Variants in NDST4 observed in about 807,000 individuals in gnomAD.
The protein encoded by NDST4 is N-heparan sulfate sulfotransferase 4.
A neutral mutation model predicts 100.8 loss-of-function variants in NDST4; 63 were observed. The ratio of observed to expected loss-of-function variants is 0.62; its 90% CI spans 0.51 to 0.77. The LOEUF (loss-of-function observed/expected upper bound fraction) is 0.77. Among genes scored for constraint, NDST4 ranks in the 30% least tolerant of loss-of-function variants. The pLI is 0.00. For missense variants in NDST4, 943 were observed against 1,018.4 expected, an observed-to-expected ratio of 0.93 and a Z score of 1.01; for synonymous variants, 377 against 361.8, an observed-to-expected ratio of 1.04 and a Z score of -0.48.
intron 2 of NDST4, among the ~76,000 whole-genome samples, chr4:115,012,008 G>A (rs1038683780): frequency 6.6e-6 from 1 of 151,846 alleles, no homozygotes; most frequent in African/African-American, 2.4e-5. Context: ...GTGTGTGTAC[G>A]TGTGATAGGA....
At chr4:114,903,513 C>T (rs540012784) in intron 6 of NDST4, among the ~76,000 whole-genome samples, 1 of 152,012 alleles carries the variant, frequency 6.6e-6, no homozygotes, top group African/African-American at 2.4e-5. Context: ...GCACTGATTC[C>T]CACGGAGATT....
chr4:114,900,476 AC>A (rs1724813195), intron 6 of NDST4, among the ~76,000 whole-genome samples: 2 of 152,162 alleles, frequency 1.3e-5, no homozygotes, highest in Admixed American at 1.3e-4. Flanking sequence ...GACTATGTAT[AC>A]AAGGATGGTC....
At chr4:114,996,564 A>G (rs1446789307) in intron 2 of NDST4, among the ~76,000 whole-genome samples, 2 of 152,070 alleles carry the variant, frequency 1.3e-5, no homozygotes, top group African/African-American at 2.4e-5. Flanking sequence ...CCTTTTAAGG[A>G]CTGATCTTAG....
chr4:115,012,924 C>T (rs533673417), intron 2 of NDST4, among the ~76,000 whole-genome samples: 1 of 151,926 alleles, frequency 6.6e-6, no homozygotes, highest in Admixed American at 6.6e-5. Flanking sequence ...AACTGAAGGA[C>T]ATTGTGATAA....
chr4:115,095,294 T>G (rs910858692), intron 1 of NDST4, among the ~76,000 whole-genome samples: 2 of 152,160 alleles, frequency 1.3e-5, no homozygotes, highest in Non-Finnish European at 2.9e-5. Context: ...CCCTCTCTTT[T>G]TCTTGAAACC....
At chr4:114,883,755 G>A (rs1185892961) in intron 6 of NDST4, among the ~76,000 whole-genome samples, 1 of 152,078 alleles carries the variant, frequency 6.6e-6, no homozygotes, top group Non-Finnish European at 1.5e-5. Context: ...GCTAGAGTAG[G>A]GGGAAGTAGG....
At position 114,970,511 on chromosome 4, in the gene NDST4, C is replaced by T; in HGVS notation, c.1140G>A (p.Met380Ile). 6.2e-7 allele frequency: 1 copy of T among 1,614,060 alleles called. No homozygotes were observed. Among genetic ancestry groups the T allele is most frequent in the Non-Finnish European group, 8.5e-7 (1 of 1,179,946 alleles). ...AGAGGTGGGGCTGCATGTGGCTCCACATGTGAGGAAACCACCAGAACTCAT... is the reference window on the plus strand; with the variant it reads ...AGAGGTGGGGCTGCATGTGGCTCCATATGTGAGGAAACCACCAGAACTCAT... ...SVDEFWWFPHMWSHMQPHLFH... is the reference protein window; with the variant it reads ...SVDEFWWFPHIWSHMQPHLFH... The change falls in exon 4 of 14, where the codon ATG (methionine) becomes ATA (isoleucine). Residue 380 changes from methionine (M) to isoleucine (I), a missense_variant. Around this residue, in one of 2 missense-constraint regions of NDST4, gnomAD observed 526 missense variants for 634.1 expected, o/e 0.83. Coordinates refer to ENST00000264363, the MANE Select transcript of NDST4 (RefSeq NM_022569.3).
At chr4:114,929,459 C>T (rs1294422160) in intron 6 of NDST4, among the ~76,000 whole-genome samples, 2 of 151,974 alleles carry the variant, frequency 1.3e-5, no homozygotes, top group Non-Finnish European at 2.9e-5. Context: ...TACTATCGAC[C>T]CTCTTGACCA....
intron 2 of NDST4, among the ~76,000 whole-genome samples, chr4:115,005,307 A>G (rs7693904): frequency 0.012 from 1,763 of 152,250 alleles, 38 homozygotes; most frequent in African/African-American, 0.04. Context: ...GAGATTAATA[A>G]GGTAAGGTTG....
chr4:114,884,916 C>T (rs577144917), intron 6 of NDST4, among the ~76,000 whole-genome samples: 5 of 152,124 alleles, frequency 3.3e-5, no homozygotes, highest in South Asian at 2.1e-4. Context: ...GTTTGGAGGC[C>T]GACTCTATTG....
chr4:114,853,373 A>T (rs1241638106), intron 7 of NDST4, among the ~76,000 whole-genome samples: 2 of 152,100 alleles, frequency 1.3e-5, no homozygotes. Flanking sequence ...AAGGTTTTAT[A>T]TTGCAAATAT....
At chr4:115,013,418 A>G (rs1250010289) in intron 2 of NDST4, among the ~76,000 whole-genome samples, 1 of 148,674 alleles carries the variant, frequency 6.7e-6, no homozygotes, top group East Asian at 2.0e-4. Flanking sequence ...TAAAACTTAA[A>G]AACTTATAAC....
chr4:115,053,537 C>T (rs1258153385), intron 2 of NDST4, among the ~76,000 whole-genome samples: 1 of 152,040 alleles, frequency 6.6e-6, no homozygotes, highest in Non-Finnish European at 1.5e-5. Flanking sequence ...AGTCCTTGCA[C>T]TCTGGGGACA....
Position 114,845,850 on chromosome 4 carries a change from G to C in NDST4, c.2088C>G (p.Pro696=). The C allele has an allele frequency of 6.2e-7, 1 of 1,613,904 alleles. No individual in the cohort carries two copies. Among genetic ancestry groups the C allele is most frequent in the Non-Finnish European group, 8.5e-7 (1 of 1,179,868 alleles). The change falls in exon 10 of 14, where the codon CCC becomes CCG. Residue 696 remains proline, a synonymous_variant. Coordinates refer to ENST00000264363, the MANE Select transcript of NDST4 (RefSeq NM_022569.3). The stretch of plus-strand genomic sequence containing the variant: ...GGTACCAAGAGTATGCCCTGTCTGA[G>C]GGGTCAATGAGGATGGTGATGATCT... ...KAKIITILID[P]SDRAYSWYQH... is the part of the protein sequence containing the mutation.
At chr4:114,979,886 C>T (rs919396989) in intron 2 of NDST4, among the ~76,000 whole-genome samples, 1 of 151,966 alleles carries the variant, frequency 6.6e-6, no homozygotes, top group Non-Finnish European at 1.5e-5. Flanking sequence ...TTCAAGGCTT[C>T]CTTGTTTAGT....
chr4:115,111,015 C>T (rs1316542339), intron 1 of NDST4, among the ~76,000 whole-genome samples: 1 of 151,940 alleles, frequency 6.6e-6, no homozygotes, highest in Non-Finnish European at 1.5e-5. Context: ...GAAGGCAGCA[C>T]CAGCCAGAAT....
At chr4:114,862,146 A>T (rs1723930834) in intron 7 of NDST4, among the ~76,000 whole-genome samples, 1 of 152,184 alleles carries the variant, frequency 6.6e-6, no homozygotes, top group Non-Finnish European at 1.5e-5. Context: ...AACATTTAGC[A>T]ATCGGCATAG....
intron 6 of NDST4, among the ~76,000 whole-genome samples, chr4:114,912,307 AT>A (rs1410497747): frequency 6.6e-6 from 1 of 152,140 alleles, no homozygotes; most frequent in African/African-American, 2.4e-5. Flanking sequence ...GAAGGGAAGC[AT>A]CCTTGAAGAT....
chr4:114,898,239 A>G (rs79062566), intron 6 of NDST4, among the ~76,000 whole-genome samples: 8,993 of 152,176 alleles, frequency 0.059, 720 homozygotes, highest in African/African-American at 0.18. Context: ...TTTGTGAAGG[A>G]TATAAGGTGT....
Sources: allele counts gnomAD v4.1 joint callset (sites outside exome capture counted in the v4.1 genomes callset), GRCh38; gene constraint gnomAD v4.1.1; regional missense constraint gnomAD v4.1.1; transcripts MANE v1.5; gene names NCBI Gene and HGNC (gene_info 2026-07-23, HGNC 2026-07-21).